MTSS1: variants seen among roughly 807,000 people sequenced by gnomAD.
The protein encoded by MTSS1 is MTSS I-BAR domain containing 1.
In MTSS1, 18 loss-of-function variants were observed where a neutral mutation model predicts 79.0. The observed-to-expected ratio is 0.23, with a 90% CI of 0.16 to 0.34. The LOEUF is 0.34. Ranked by LOEUF, MTSS1 falls within the 10% of genes least tolerant of loss-of-function variation. The probability of loss-of-function intolerance (pLI) is 1.00; values close to 1 mark genes in which losing one functional copy is unlikely to be tolerated. For missense variants in MTSS1, 815 were observed against 986.2 expected (o/e 0.83, Z 2.33); for synonymous variants, 341 against 368.6 (o/e 0.93, Z 0.86).
At chr8:124,562,278 C>G (rs1825504327) in intron 10 of MTSS1, among the ~76,000 whole-genome samples, 1 of 152,154 alleles carries the variant, frequency 6.6e-6, no homozygotes, top group South Asian at 2.1e-4. Flanking sequence ...TAAGTGCCAA[C>G]AGAATTATGT....
intron 3 of MTSS1, among the ~76,000 whole-genome samples, chr8:124,654,315 C>A (rs1030294323): frequency 2.0e-5 from 3 of 152,180 alleles, no homozygotes; most frequent in African/African-American, 7.2e-5. Context: ...TTTAATGACA[C>A]AGATCATTAG....
chr8:124,553,715 C>A lies in MTSS1; in HGVS notation c.1568-23G>T. On this transcript the variant is annotated intron_variant, in intron 13 of 13. Transcript: ENST00000518547. The surrounding 1 kb of genome is among the most constrained non-coding windows in gnomAD (Gnocchi z 6.0). ...AAACTGATTATAGGATTTGATTAGACATATTCAAGACAGCAGCTGTGCTTT... is the reference window on the plus strand; with the variant it reads ...AAACTGATTATAGGATTTGATTAGAAATATTCAAGACAGCAGCTGTGCTTT... 6.3e-7 allele frequency: 1 copy of A among 1,577,510 alleles called. No individual in the cohort carries two copies. Among genetic ancestry groups the A allele is most frequent in the Non-Finnish European group, 8.6e-7 (1 of 1,157,622 alleles).
At position 124,553,244 on chromosome 8, in the gene MTSS1, G is replaced by C. The variant is rs1822848084; in HGVS notation, c.2016C>G (p.Asn672Lys). The change falls in exon 14 of 14, where the codon AAC becomes AAG. Residue 672 changes from asparagine (N) to lysine (K), a missense_variant. This residue lies in a region of MTSS1 where 590 missense variants were observed against 620.8 expected (regional missense o/e 0.95). Coordinates refer to ENST00000518547, the MANE Select transcript of MTSS1 (RefSeq NM_014751.6). This position sits in a 1 kb window ranked among gnomAD's most constrained non-coding sequence, Gnocchi z 6.0. ...TGGGCTTCGGGCCTGGAAGTGGAGGGTTAACGGAAGCTTGGCCGCTCCACA... is the reference window on the plus strand; with the variant it reads ...TGGGCTTCGGGCCTGGAAGTGGAGGCTTAACGGAAGCTTGGCCGCTCCACA... ...SSMWSGQASV[N>K]PPLPGPKPSI... 6.2e-7 allele frequency: 1 copy of C among 1,614,076 alleles called. No individual in the cohort carries two copies.
At chr8:124,645,369 G>C (rs949821693) in intron 3 of MTSS1, among the ~76,000 whole-genome samples, 5 of 152,174 alleles carry the variant, frequency 3.3e-5, no homozygotes, top group Non-Finnish European at 5.9e-5. Flanking sequence ...CTGGGCAACA[G>C]AGCAAGACCT....
chr8:124,612,971 C>T (rs748100045), intron 3 of MTSS1, among the ~76,000 whole-genome samples: 1 of 152,030 alleles, frequency 6.6e-6, no homozygotes, highest in Admixed American at 6.6e-5. Flanking sequence ...AAGCAGAGCA[C>T]GGTGCTATGA....
At chr8:124,717,678 A>G (rs1288547185) in intron 1 of MTSS1, among the ~76,000 whole-genome samples, 2 of 152,260 alleles carry the variant, frequency 1.3e-5, no homozygotes, top group Non-Finnish European at 2.9e-5. Context: ...TCTGGGGGAC[A>G]GAGCAAGACT....
At position 124,699,647 on chromosome 8, in the gene MTSS1, C is replaced by A. The variant is rs1365048645; in HGVS notation, c.135-48G>T. On this transcript the variant is annotated intron_variant, in intron 2 of 13. Transcript: ENST00000518547. Reference sequence around the variant, plus strand: ...AAGCATAAGGAATGTCTCTCCCTAGCAAATTCATTACAGCTCAAGGCCTAA... The same window carrying A: ...AAGCATAAGGAATGTCTCTCCCTAGAAAATTCATTACAGCTCAAGGCCTAA... 3.2e-6 allele frequency: 5 copies of A among 1,554,234 alleles called. No individual in the cohort carries two copies. In the East Asian group the frequency reaches 9.0e-5, roughly 28 times the overall value.
In MTSS1 at chr8:124,553,182, CT is replaced by C; in HGVS notation, c.2077del (p.Ser693ValfsTer28). On this transcript the variant is annotated frameshift_variant, in exon 14 of 14. Transcript: ENST00000518547. LOFTEE classifies it high-confidence loss of function. The surrounding 1 kb of genome is among the most constrained non-coding windows in gnomAD (Gnocchi z 6.0). The part of the protein sequence containing the change: ...PEEHRQAIPE[S>X]EAEDQEREPP... ...TTCCCGTTCCTGGTCTTCAGCTTCA[CT>C]TTCTGGAATTGCCTGTCTGTGCTCC... 1 of 1,614,152 alleles carries C rather than the reference CT, an allele frequency of 6.2e-7. No individual in the cohort carries two copies. Among genetic ancestry groups the C allele is most frequent in the Non-Finnish European group, 8.5e-7 (1 of 1,180,042 alleles).
At chr8:124,611,568 G>A (rs911648862) in intron 3 of MTSS1, among the ~76,000 whole-genome samples, 4 of 151,600 alleles carry the variant, frequency 2.6e-5, no homozygotes, top group African/African-American at 4.9e-5. Flanking sequence ...AATTCACCAC[G>A]TCCCTCAGCT....
At chr8:124,677,723 T>C (rs1825536652) in intron 3 of MTSS1, among the ~76,000 whole-genome samples, 1 of 152,120 alleles carries the variant, frequency 6.6e-6, no homozygotes, top group Admixed American at 6.6e-5. Flanking sequence ...AAGTTCTGCA[T>C]AAACCGGAAA....
chr8:124,556,415 A>C lies in MTSS1; in HGVS notation c.1231-10T>G. 6.2e-7 allele frequency: 1 copy of C among 1,601,028 alleles called. No homozygotes were observed. Among genetic ancestry groups the C allele is most frequent in the Non-Finnish European group, 8.5e-7 (1 of 1,172,658 alleles). ...CAGGCTTAGCCCAGTCCTATGCAAAACAAGTGCGGTCAGGAGCCAGGGCCT... is the reference window on the plus strand; with the variant it reads ...CAGGCTTAGCCCAGTCCTATGCAAACCAAGTGCGGTCAGGAGCCAGGGCCT... On this transcript the variant is annotated splice_polypyrimidine_tract_variant and intron_variant, in intron 11 of 13. Transcript: ENST00000518547.
chr8:124,657,634 C>A (rs73343973), intron 3 of MTSS1, among the ~76,000 whole-genome samples: 3,029 of 152,244 alleles, frequency 0.02, 95 homozygotes, highest in African/African-American at 0.07. Flanking sequence ...TCCAAGCCCA[C>A]TGCGCATACA....
At chr8:124,611,110 C>CA (rs1173906182) in intron 3 of MTSS1, among the ~76,000 whole-genome samples, 2 of 146,238 alleles carry the variant, frequency 1.4e-5, no homozygotes, top group Non-Finnish European at 3.0e-5. Flanking sequence ...AGACAGACCC[C>CA]CCCCCCCCAG....
chr8:124,564,687 T>TACACACACACACACACACA (rs1554639346), intron 9 of MTSS1: 42 of 47,348 alleles, frequency 8.9e-4, no homozygotes, highest in Non-Finnish European at 9.6e-4. Context: ...GGTCTCTCTT[T>TACACACACACACACACACA]CACTCACACA....
intron 3 of MTSS1, among the ~76,000 whole-genome samples, chr8:124,691,459 T>C (rs989860023): frequency 6.6e-6 from 1 of 152,214 alleles, no homozygotes; most frequent in African/African-American, 2.4e-5. Context: ...TGGATACACA[T>C]ACGTACATAC....
At chr8:124,635,519 C>T (rs111320528) in intron 3 of MTSS1, among the ~76,000 whole-genome samples, 4,285 of 152,318 alleles carry the variant, frequency 0.028, 176 homozygotes, top group African/African-American at 0.097. Context: ...AATGCCGGAA[C>T]GCCTCTGTTC....
At chr8:124,644,764 A>T (rs1171915406) in intron 3 of MTSS1, among the ~76,000 whole-genome samples, 2 of 152,250 alleles carry the variant, frequency 1.3e-5, no homozygotes, top group Non-Finnish European at 2.9e-5. Flanking sequence ...GCAGAATGTT[A>T]TGAAGAAATC....
intron 10 of MTSS1, 159 bp from the exon 11 acceptor site, chr8:124,558,034 AT>A: frequency 1.6e-6 from 1 of 612,206 alleles, no homozygotes. Flanking sequence ...ATGATCTGTG[AT>A]GCAAGAGAAA....
At chr8:124,625,588 G>A (rs1006531220) in intron 3 of MTSS1, among the ~76,000 whole-genome samples, 6 of 152,320 alleles carry the variant, frequency 3.9e-5, no homozygotes, top group African/African-American at 1.2e-4. Context: ...ACCTGCTGGC[G>A]AGGCAACTCT....
Sources: allele counts gnomAD v4.1 joint callset (sites outside exome capture counted in the v4.1 genomes callset), GRCh38; gene constraint gnomAD v4.1.1; regional missense constraint gnomAD v4.1.1; non-coding constraint Gnocchi (gnomAD v3.1); transcripts MANE v1.5; gene names NCBI Gene and HGNC (gene_info 2026-07-23, HGNC 2026-07-21).